UBE2S: variants seen among roughly 807,000 people sequenced by gnomAD.
UBE2S encodes the protein ubiquitin-conjugating enzyme E2 S.
Under a neutral mutation model 12.3 loss-of-function variants are expected in UBE2S, and 3 were observed. The ratio of observed to expected loss-of-function variants is 0.24; its 90% CI spans 0.11 to 0.63. The LOEUF (loss-of-function observed/expected upper bound fraction) is 0.63, where lower values mean the gene tolerates loss of function less well. UBE2S is among the 30% of genes least tolerant of loss of function. UBE2S has a pLI of 0.85. For missense variants in UBE2S, 211 were observed against 313.9 expected, an observed-to-expected ratio of 0.67 and a Z score of 2.48; for synonymous variants, 133 against 142.0, an observed-to-expected ratio of 0.94 and a Z score of 0.45.
intron 3 of UBE2S, chr19:55,403,277 C>T (rs1021012088): frequency 7.0e-6 from 4 of 573,340 alleles, no homozygotes; most frequent in African/African-American, 5.7e-5. Context: ...GGCATGTAAG[C>T]TCAGCTTTAG....
intron 3 of UBE2S, chr19:55,403,287 G>T: frequency 1.8e-6 from 1 of 570,128 alleles, no homozygotes; most frequent in South Asian, 2.3e-5. Context: ...CTCAGCTTTA[G>T]CAAAAAAGCC....
In UBE2S at chr19:55,404,026, G is replaced by A. The variant is rs1407845495; in HGVS notation, c.342+262C>T. ...CTATCCTTGTTTTTTAAAAAAAAGGGAGAAGAGAAAAACCATCCTACAATA... is the reference window on the plus strand; with the variant it reads ...CTATCCTTGTTTTTTAAAAAAAAGGAAGAAGAGAAAAACCATCCTACAATA... On this transcript the variant is annotated intron_variant, in intron 3 of 3. Coordinates refer to ENST00000264552, the MANE Select transcript of UBE2S (RefSeq NM_014501.3). The surrounding 1 kb of genome is among the most constrained non-coding windows in gnomAD (Gnocchi z 4.4). The A allele has an allele frequency of 4.4e-6, 2 of 449,444 alleles. No individual in the cohort carries two copies. Among genetic ancestry groups the A allele is most frequent in the Admixed American group, 7.7e-5 (2 of 26,056 alleles). The allele number at this position is 449,444 out of a possible 1,614,324, so 27.8% of individuals were successfully genotyped here.
At position 55,401,097 on chromosome 19, in the gene UBE2S, C is replaced by T. The variant is rs112322456; in HGVS notation, c.*339G>A. On this transcript the variant is annotated 3_prime_UTR_variant, in exon 4 of 4. Coordinates refer to ENST00000264552, the MANE Select transcript of UBE2S (RefSeq NM_014501.3). ...ATCTGACTCCAAAGAGGGGTTGTGA[C>T]CGCTCTACCTCCACAGAACAAAGAG... 3.2e-4 allele frequency: 105 copies of T among 329,674 alleles called. No individual in the cohort carries two copies. Among genetic ancestry groups the T allele is most frequent in the African/African-American group, 2.2e-3 (101 of 46,080 alleles). 20.4% of individuals were successfully genotyped at this position (329,674 alleles called of 1,614,324 possible). A position where few individuals can be genotyped will look rare whatever the true frequency, so the allele number is the denominator to read the frequency against.
At chr19:55,406,325 T>G (rs866637415) in intron 2 of UBE2S, among the ~76,000 whole-genome samples, 3 of 152,202 alleles carry the variant, frequency 2.0e-5, no homozygotes, top group Non-Finnish European at 4.4e-5. Flanking sequence ...AACAGAAATG[T>G]AGCCTGCATG....
In UBE2S at chr19:55,406,882, G is replaced by T; in HGVS notation, c.84C>A (p.Pro28=). The T allele has an allele frequency of 1.2e-6, 2 of 1,614,008 alleles. No individual in the cohort carries two copies. The highest frequency in any genetic ancestry group is 3.3e-4 in the Middle Eastern group (2 of 6,054). The stretch of plus-strand genomic sequence containing the variant: ...CGTTGGGAAAGACCTTGATGCCATC[G>T]GGTGGGTCTGCGGTCAGTGTCGTCA... ...KEVTTLTADP[P]DGIKVFPNEE... The change falls in exon 2 of 4, where the codon CCC becomes CCA. Residue 28 remains proline, a synonymous_variant. Transcript: ENST00000264552.
intron 1 of UBE2S, 57 bp downstream of exon 1, chr19:55,407,530 C>A (rs1196695163): frequency 5.3e-6 from 8 of 1,521,068 alleles, no homozygotes; most frequent in Admixed American, 2.1e-5. Context: ...TGAGACTCCA[C>A]CTCCTCCCTC....
chr19:55,400,119 C>T lies in UBE2S; in HGVS notation c.*1317G>A, dbSNP rs1600315864. On this transcript the variant is annotated 3_prime_UTR_variant, in exon 4 of 4. Transcript: ENST00000264552. ...GCTGTTTTATTAGAATAGGCAAATT[C>T]TTTCAGGACAAAAGCAGCCTTTGAG... The T allele has an allele frequency of 6.6e-6, 1 of 152,206 alleles. No individual in the cohort carries two copies. The highest frequency in any genetic ancestry group is 1.5e-5 in the Non-Finnish European group (1 of 68,032). 9.4% of individuals were successfully genotyped at this position (152,206 alleles called of 1,614,324 possible).
intron 1 of UBE2S, 47 bp from the exon 2 acceptor site, chr19:55,407,009 C>T (rs184797879): frequency 1.3e-6 from 2 of 1,596,790 alleles, no homozygotes; most frequent in African/African-American, 1.3e-5. Flanking sequence ...AAGAGCTGGG[C>T]TTCCCGCAGG....
intron 3 of UBE2S, chr19:55,402,872 C>T: frequency 2.2e-6 from 3 of 1,336,780 alleles, no homozygotes; most frequent in Middle Eastern, 2.2e-4. Flanking sequence ...CAGGAAACCC[C>T]AATTCCCCAC....
intron 3 of UBE2S, 78 bp from the exon 4 acceptor site, chr19:55,401,840 C>CG: frequency 6.8e-7 from 1 of 1,473,898 alleles, no homozygotes; most frequent in Non-Finnish European, 9.4e-7. Flanking sequence ...GGGTGGCCTC[C>CG]GCACTGGCTG....
chr19:55,401,823 C>T, intron 3 of UBE2S, 61 bp from the exon 4 acceptor site: 1 of 1,583,810 alleles, frequency 6.3e-7, no homozygotes, highest in East Asian at 2.2e-5. Context: ...CCCAGGCCTC[C>T]ACAAGAGGGT....
rs1276410079 is a variant in UBE2S, at chr19:55,404,504, T to A, written c.152-26A>T. 3.2e-6 allele frequency: 5 copies of A among 1,562,320 alleles called. No individual in the cohort carries two copies. Among genetic ancestry groups the A allele is most frequent in the Non-Finnish European group, 4.3e-6 (5 of 1,152,682 alleles). Reference sequence around the variant, plus strand: ...CTGGAGTGGAGGGAGGGGTACAGGGTCAGGGCACTCAGGAGTCCCAAGGCA... The same window carrying A: ...CTGGAGTGGAGGGAGGGGTACAGGGACAGGGCACTCAGGAGTCCCAAGGCA... On this transcript the variant is annotated intron_variant, in intron 2 of 3. Transcript: ENST00000264552. The surrounding 1 kb of genome is among the most constrained non-coding windows in gnomAD (Gnocchi z 4.4).
In UBE2S at chr19:55,404,176, C is replaced by T. The variant is rs1420213724; in HGVS notation, c.342+112G>A. ...GCAACATGGATTTTTATGTGGAAAC[C>T]TTCAACCACTTCAGAGTTGATTCAG... On this transcript the variant is annotated intron_variant, in intron 3 of 3. Coordinates refer to ENST00000264552, the MANE Select transcript of UBE2S (RefSeq NM_014501.3). The surrounding 1 kb of genome is among the most constrained non-coding windows in gnomAD (Gnocchi z 4.4). 7.3e-7 allele frequency: 1 copy of T among 1,375,352 alleles called. No homozygotes were observed. Among genetic ancestry groups the T allele is most frequent in the South Asian group, 1.3e-5 (1 of 77,770 alleles). 85.2% of individuals were successfully genotyped at this position (1,375,352 alleles called of 1,614,324 possible).
chr19:55,401,289 T>C lies in UBE2S; in HGVS notation c.*147A>G. ...ATCTGTGAGACACAGAAGCTGCTTTTCCAACTTTATTTAGAAAAACAAATC... is the reference window on the plus strand; with the variant it reads ...ATCTGTGAGACACAGAAGCTGCTTTCCCAACTTTATTTAGAAAAACAAATC... On this transcript the variant is annotated 3_prime_UTR_variant, in exon 4 of 4. Coordinates refer to ENST00000264552, the MANE Select transcript of UBE2S (RefSeq NM_014501.3). The C allele has an allele frequency of 4.4e-6, 4 of 908,300 alleles. No individual in the cohort carries two copies. Among genetic ancestry groups the C allele is most frequent in the Non-Finnish European group, 6.5e-6 (4 of 614,002 alleles). The allele number at this position is 908,300 out of a possible 1,614,324, so 56.3% of individuals were successfully genotyped here.
rs971188619 is a variant in UBE2S, at chr19:55,404,411, G to A, written c.219C>T (p.Ser73=). ...TGGTCAGGAAGTAGCCCTTGGGTGGGGAGGCAGGGAAGTCCTTCCCCAGCA... is the reference window on the plus strand; with the variant it reads ...TGGTCAGGAAGTAGCCCTTGGGTGGAGAGGCAGGGAAGTCCTTCCCCAGCA... ...KLLLGKDFPA[S]PPKGYFLTKI... is the part of the protein sequence containing the mutation. Residue 73 remains serine (S), a synonymous_variant, in exon 3 of 4, where the codon TCC becomes TCT. Transcript: ENST00000264552. This position sits in a 1 kb window ranked among gnomAD's most constrained non-coding sequence, Gnocchi z 4.4. The A allele has an allele frequency of 1.9e-6, 3 of 1,613,488 alleles. No homozygotes were observed. The African/African-American group carries it at 4.0e-5, about 22-fold the overall frequency.
intron 3 of UBE2S, chr19:55,403,002 A>AG: frequency 2.6e-6 from 4 of 1,533,666 alleles, no homozygotes; most frequent in Non-Finnish European, 3.5e-6. Flanking sequence ...AGCCTAGACC[A>AG]GGACGCCTCC....
chr19:55,404,201 G>C lies in UBE2S; in HGVS notation c.342+87C>G, dbSNP rs1033938399. The stretch of plus-strand genomic sequence containing the variant: ...CTTCAACCACTTCAGAGTTGATTCA[G>C]AAAAACTAAACAAAGCGCTATGGCT... On this transcript the variant is annotated intron_variant, in intron 3 of 3. Transcript: ENST00000264552. The surrounding 1 kb of genome is among the most constrained non-coding windows in gnomAD (Gnocchi z 4.4). The C allele has an allele frequency of 9.7e-6, 15 of 1,549,526 alleles. No individual in the cohort carries two copies. In the African/African-American group the frequency reaches 2.1e-4, roughly 21 times the overall value.
At chr19:55,402,757 C>G (rs2090069788) in intron 3 of UBE2S, among the ~76,000 whole-genome samples, 1 of 152,116 alleles carries the variant, frequency 6.6e-6, no homozygotes, top group African/African-American at 2.4e-5. Context: ...TGCCAATGTC[C>G]CCAGCAGCCT....
At chr19:55,407,513 AG>A in intron 1 of UBE2S, 73 bp downstream of exon 1, 1 of 1,475,522 alleles carries the variant, frequency 6.8e-7, no homozygotes, top group Non-Finnish European at 9.1e-7. Flanking sequence ...CGCCCGTCGG[AG>A]GCCCCTGAGA....
Sources: gnomAD v4.1 joint callset for allele counts (sites outside exome capture counted in the v4.1 genomes callset) on GRCh38, gnomAD v4.1.1 for gene constraint, Gnocchi (gnomAD v3.1) non-coding constraint, MANE v1.5 for transcripts, NCBI Gene and HGNC (gene_info 2026-07-23, HGNC 2026-07-21) for gene names.